Variants in DMD observed in about 807,000 individuals in gnomAD.
DMD encodes mutant dystrophin.
A neutral mutation model predicts 330.1 loss-of-function variants in DMD; 63 were observed. That is an observed-to-expected ratio of 0.19 (90% CI 0.16 to 0.24). The LOEUF (loss-of-function observed/expected upper bound fraction) is 0.24. Among genes scored for constraint, DMD ranks in the 10% least tolerant of loss-of-function variants. The probability of loss-of-function intolerance (pLI) is 1.00; values close to 1 mark genes in which losing one functional copy is unlikely to be tolerated. For synonymous variants in DMD, 1,223 were observed against 959.8 expected (o/e 1.27, Z -5.07); for missense variants, 3,344 against 2,684.1 (o/e 1.25, Z -5.43).
At chrX:33,263,185 A>G (rs930924182) in intron 1 of DMD, among the ~76,000 whole-genome samples, 1 of 110,553 alleles carries the variant, frequency 9.0e-6, no homozygotes, top group South Asian at 3.7e-4. Flanking sequence ...AAATATATAC[A>G]TGTATCAAAA....
chrX:32,864,176 C>T (rs2082303157), intron 2 of DMD, among the ~76,000 whole-genome samples: 2 of 108,989 alleles, frequency 1.8e-5, no homozygotes, highest in African/African-American at 7.1e-5. Flanking sequence ...TTACACACAT[C>T]GACTGGTTTA....
chrX:32,667,772 T>G (rs750028750), intron 9 of DMD, among the ~76,000 whole-genome samples: 5 of 96,401 alleles, frequency 5.2e-5, no homozygotes, highest in African/African-American at 2.7e-4. Flanking sequence ...TTTGTGTTTT[T>G]TTTTTTTTTT....
intron 16 of DMD, among the ~76,000 whole-genome samples, chrX:32,548,348 T>C (rs768746932): frequency 8.9e-6 from 1 of 111,936 alleles, no homozygotes; most frequent in African/African-American, 3.2e-5. Flanking sequence ...TAATTTTCTC[T>C]TTAAATGTTA....
rs988999288 is a variant in DMD, at chrX:31,406,257, C to T, written c.9084+38224G>A. 3.6e-5 allele frequency among the ~76,000 whole-genome samples: 4 copies of T among 111,077 alleles called. No individual in the cohort carries two copies. The East Asian group carries it at 8.4e-4, about 23-fold the overall frequency. ...AGTATACTTGGGGATAATGAAAATA[C>T]GAGTAGGCAGAAAAGATAACTATTG... On this transcript the variant is annotated intron_variant, in intron 60 of 78. Transcript: ENST00000357033.
chrX:32,029,660 T>G (rs774811384), intron 44 of DMD, among the ~76,000 whole-genome samples: 1 of 111,944 alleles, frequency 8.9e-6, no homozygotes, highest in African/African-American at 3.2e-5. Flanking sequence ...ATTCTTGTAC[T>G]GAATGAACTT....
chrX:31,564,078 G>T (rs2075339926), intron 55 of DMD, among the ~76,000 whole-genome samples: 2 of 111,131 alleles, frequency 1.8e-5, no homozygotes, highest in African/African-American at 6.6e-5. Context: ...AGGACAAGGA[G>T]CACCAAAGAT....
chrX:31,748,928 C>T (rs1355504097), intron 51 of DMD, among the ~76,000 whole-genome samples: 4 of 111,177 alleles, frequency 3.6e-5, no homozygotes, highest in East Asian at 2.8e-4. Flanking sequence ...ACTACAATTT[C>T]GTAAGCAGCT....
At chrX:33,328,060 T>C (rs976254492) in intron 1 of DMD, among the ~76,000 whole-genome samples, 1 of 112,022 alleles carries the variant, frequency 8.9e-6, no homozygotes, top group Admixed American at 9.5e-5. Context: ...TGAAAACTTT[T>C]TGAATTAGAA....
chrX:32,945,743 T>G (rs1449225274), intron 2 of DMD, among the ~76,000 whole-genome samples: 2 of 111,700 alleles, frequency 1.8e-5, no homozygotes, highest in African/African-American at 3.2e-5. Flanking sequence ...TTCTTTTCAT[T>G]TATCAATACT....
intron 9 of DMD, among the ~76,000 whole-genome samples, chrX:32,661,079 T>C (rs982468919): frequency 9.1e-6 from 1 of 109,454 alleles, no homozygotes; most frequent in African/African-American, 3.4e-5. Context: ...TCTGAAAACC[T>C]GTATATTAAA....
chrX:33,227,926 A>C (rs5972783), intron 1 of DMD, among the ~76,000 whole-genome samples: 26,145 of 110,717 alleles, frequency 0.24, 5,628 homozygotes, highest in African/African-American at 0.7. Flanking sequence ...TTTGATTCGA[A>C]TTTAAATGAG....
intron 77 of DMD, 140 bp downstream of exon 77, chrX:31,133,962 A>C (rs2034846627): frequency 1.9e-6 from 1 of 539,093 alleles, no homozygotes; most frequent in Non-Finnish European, 3.2e-6. Flanking sequence ...TTAAAAATCA[A>C]ATCTTTTCAC....
At chrX:33,216,737 T>C (rs1446308174) in intron 1 of DMD, among the ~76,000 whole-genome samples, 1 of 112,202 alleles carries the variant, frequency 8.9e-6, no homozygotes, top group Non-Finnish European at 1.9e-5. Context: ...TAAATTACTT[T>C]TTTTTGTCTA....
At chrX:32,625,717 G>GAA (rs2058304506) in intron 11 of DMD, among the ~76,000 whole-genome samples, 1 of 111,980 alleles carries the variant, frequency 8.9e-6, no homozygotes, top group South Asian at 3.6e-4. Flanking sequence ...CATATATTAT[G>GAA]AAAACATAAT....
chrX:32,455,847 T>A (rs1388883917), intron 25 of DMD, among the ~76,000 whole-genome samples: 1 of 111,380 alleles, frequency 9.0e-6, no homozygotes, highest in East Asian at 2.8e-4. Flanking sequence ...ATAGAAAACA[T>A]CTGCTATTTA....
intron 60 of DMD, among the ~76,000 whole-genome samples, chrX:31,411,401 C>T (rs766004415): frequency 6.3e-5 from 7 of 111,243 alleles, no homozygotes; most frequent in South Asian, 3.8e-4. Flanking sequence ...TTATTAACAC[C>T]GCTATGTTCA....
At chrX:31,384,369 T>G (rs1602369304) in intron 60 of DMD, among the ~76,000 whole-genome samples, 1 of 110,645 alleles carries the variant, frequency 9.0e-6, no homozygotes, top group Admixed American at 9.7e-5. Context: ...CTACTTTAGC[T>G]TCATAGATAT....
At chrX:32,251,296 C>G (rs771349831) in intron 43 of DMD, among the ~76,000 whole-genome samples, 6 of 111,454 alleles carry the variant, frequency 5.4e-5, no homozygotes, top group African/African-American at 2.0e-4. Flanking sequence ...ATATTATTTA[C>G]ATGCCTAGGT....
intron 34 of DMD, among the ~76,000 whole-genome samples, chrX:32,379,323 T>C (rs1304783098): frequency 1.8e-5 from 2 of 110,284 alleles, no homozygotes; most frequent in Non-Finnish European, 3.8e-5. Context: ...GCCTTCTATA[T>C]GAGAAGGATA....
Sources: gnomAD v4.1 joint callset for allele counts (sites outside exome capture counted in the v4.1 genomes callset) on GRCh38, gnomAD v4.1.1 for gene constraint, MANE v1.5 for transcripts, NCBI Gene and HGNC (gene_info 2026-07-23, HGNC 2026-07-21) for gene names.